Variants in OVOL1 observed in about 807,000 individuals in gnomAD.
OVOL1 encodes ovo like transcriptional repressor 1, also known as putative transcription factor Ovo-like 1.
A neutral mutation model predicts 21.5 loss-of-function variants in OVOL1; 10 were observed. That is an observed-to-expected ratio of 0.46 (90% CI 0.29 to 0.79). The LOEUF (loss-of-function observed/expected upper bound fraction) is 0.79, where lower values mean the gene tolerates loss of function less well. Ranked by LOEUF, OVOL1 falls within the 30% of genes least tolerant of loss-of-function variation. The pLI, the probability that OVOL1 is intolerant of heterozygous loss-of-function variation, is 0.10. For synonymous variants in OVOL1, 129 were observed against 150.3 expected, an observed-to-expected ratio of 0.86 and a Z score of 1.03; for missense variants, 279 against 362.3, an observed-to-expected ratio of 0.77 and a Z score of 1.87.
intron 1 of OVOL1, among the ~76,000 whole-genome samples, chr11:65,791,163 G>A (rs974403378): frequency 2.0e-5 from 3 of 152,248 alleles, no homozygotes; most frequent in Non-Finnish European, 4.4e-5. Context: ...AGTTCACAGC[G>A]TGGAAACAGA....
chr11:65,787,140 C>T lies in OVOL1; in HGVS notation c.-234C>T, dbSNP rs61895681. 1,152 of 417,318 alleles carry T rather than the reference C, an allele frequency of 2.8e-3. 5 individuals are homozygous for T. The highest frequency in any genetic ancestry group is 4.1e-3 in the Non-Finnish European group (905 of 222,812). 25.9% of individuals were successfully genotyped at this position (417,318 alleles called of 1,614,324 possible). A position where few individuals can be genotyped will look rare whatever the true frequency, so the allele number is the denominator to read the frequency against. On this transcript the variant is annotated 5_prime_UTR_variant, in exon 1 of 4. Coordinates refer to ENST00000335987, the MANE Select transcript of OVOL1 (RefSeq NM_004561.4). ...GCTTACCTGCCGCTTCCCCGCGCCG[C>T]CCGGTGCACCTGGCCGCAAGGGACC... is the stretch of plus-strand genomic sequence containing the variant.
chr11:65,788,580 G>T, intron 1 of OVOL1: 1 of 985,106 alleles, frequency 1.0e-6, no homozygotes, highest in East Asian at 1.1e-4. Context: ...GGGCAGCAGT[G>T]AGGGGCCCCG....
intron 1 of OVOL1, chr11:65,789,819 G>A: frequency 2.0e-6 from 1 of 494,832 alleles, no homozygotes; most frequent in Non-Finnish European, 2.6e-6. Flanking sequence ...GAAGGTTTTG[G>A]GAGAAGGTTT....
At position 65,789,183 on chromosome 11, in the gene OVOL1, C is replaced by G. The variant is rs568705750; in HGVS notation, c.100+1710C>G. Reference sequence around the variant, plus strand: ...AAATTCCGTTGGTTGAAATCATTGACTTCTTTTTGTCCTAGCTATTTTCTC... The same window carrying G: ...AAATTCCGTTGGTTGAAATCATTGAGTTCTTTTTGTCCTAGCTATTTTCTC... On this transcript the variant is annotated intron_variant, in intron 1 of 3. Coordinates refer to ENST00000335987, the MANE Select transcript of OVOL1 (RefSeq NM_004561.4). 7.2e-5 allele frequency: 40 copies of G among 556,054 alleles called. No individual in the cohort carries two copies. The African/African-American group carries it at 8.2e-4, about 11-fold the overall frequency. 34.4% of individuals were successfully genotyped at this position (556,054 alleles called of 1,614,324 possible).
At position 65,795,193 on chromosome 11, in the gene OVOL1, G is replaced by T; in HGVS notation, c.656G>T (p.Gly219Val). 1 of 1,613,354 alleles carries T rather than the reference G, an allele frequency of 6.2e-7. No individual in the cohort carries two copies. The highest frequency in any genetic ancestry group is 8.5e-7 in the Non-Finnish European group (1 of 1,180,012). The change falls in exon 4 of 4, where the codon GGC becomes GTC. Residue 219 changes from glycine (G) to valine (V), a missense_variant. Transcript: ENST00000335987. The surrounding 1 kb of genome is among the most constrained non-coding windows in gnomAD (Gnocchi z 5.7). The part of the protein sequence containing the change: ...RAKLYVCEEC[G>V]CTSESQEGHV... ...AAGCTGTACGTGTGTGAGGAGTGCGGCTGCACATCTGAGAGCCAGGAGGGC... is the reference window on the plus strand; with the variant it reads ...AAGCTGTACGTGTGTGAGGAGTGCGTCTGCACATCTGAGAGCCAGGAGGGC...
chr11:65,788,413 C>T, intron 1 of OVOL1: 1 of 980,490 alleles, frequency 1.0e-6, no homozygotes, highest in Non-Finnish European at 1.2e-6. Context: ...TCCGAACGCC[C>T]CCTCCCCAGG....
chr11:65,790,494 G>A (rs1857993358), intron 1 of OVOL1: 4 of 152,324 alleles, frequency 2.6e-5, no homozygotes, highest in Admixed American at 2.6e-4. Context: ...ACTAGGTAGT[G>A]TGGGCACTTG....
intron 1 of OVOL1, among the ~76,000 whole-genome samples, chr11:65,791,684 G>A (rs1194173177): frequency 6.6e-6 from 1 of 152,246 alleles, no homozygotes; most frequent in Non-Finnish European, 1.5e-5. Context: ...CATTGTCCAG[G>A]TAGAGGCAAG....
In OVOL1 at chr11:65,794,581, G is replaced by A. The variant is rs148705620; in HGVS notation, c.362G>A (p.Arg121His). ...DSPSGDLFTC[R>H]VCQKAFTYQR... ...CCCAGTGGAGACCTGTTCACCTGCC[G>A]TGTCTGCCAGAAGGCCTTCACCTAC... The change falls in exon 3 of 4, where the codon CGT (arginine) becomes CAT (histidine). Residue 121 changes from arginine (R) to histidine (H), a missense_variant. Coordinates refer to ENST00000335987, the MANE Select transcript of OVOL1 (RefSeq NM_004561.4). 407 of 1,613,494 alleles carry A rather than the reference G, an allele frequency of 2.5e-4. No individual in the cohort carries two copies. Among genetic ancestry groups the A allele is most frequent in the Middle Eastern group, 1.5e-3 (9 of 6,062 alleles).
In OVOL1 at chr11:65,795,098, C is replaced by T. The variant is rs749643519; in HGVS notation, c.561C>T (p.Cys187=). Residue 187 remains cysteine, a synonymous_variant, in exon 4 of 4, where the codon TGC becomes TGT. Coordinates refer to ENST00000335987, the MANE Select transcript of OVOL1 (RefSeq NM_004561.4). The surrounding 1 kb of genome is among the most constrained non-coding windows in gnomAD (Gnocchi z 5.7). ...SLCDKAFTQR[C]SLESHLKKIH... is the part of the protein sequence containing the mutation. ...GTGACAAGGCCTTCACGCAGCGCTG[C>T]TCTCTGGAGTCTCACCTCAAGAAGA... 8 of 1,613,592 alleles carry T rather than the reference C, an allele frequency of 5.0e-6. No homozygotes were observed. The African/African-American group carries it at 1.1e-4, about 22-fold the overall frequency.
Position 65,796,320 on chromosome 11 carries a change from C to G in OVOL1, c.*979C>G, listed in dbSNP as rs1390483899. On this transcript the variant is annotated 3_prime_UTR_variant, in exon 4 of 4. Coordinates refer to ENST00000335987, the MANE Select transcript of OVOL1 (RefSeq NM_004561.4). ...TTCTGCTCTTCCCTCCCGGCTCTGC[C>G]CTGCACATCCTGTTGAGCCAAGCCC... 2 of 152,500 alleles carry G rather than the reference C, an allele frequency of 1.3e-5. No homozygotes were observed. Among genetic ancestry groups the G allele is most frequent in the Non-Finnish European group, 2.9e-5 (2 of 68,130 alleles). 9.4% of individuals were successfully genotyped at this position (152,500 alleles called of 1,614,324 possible).
At chr11:65,790,287 G>C (rs1857988542) in intron 1 of OVOL1, 1 of 152,150 alleles carries the variant, frequency 6.6e-6, no homozygotes, top group African/African-American at 2.4e-5. Flanking sequence ...ACTGAGGCTG[G>C]AAGCTGGAGT....
rs1209838577 is a variant in OVOL1, at chr11:65,796,276, G to A, written c.*935G>A. On this transcript the variant is annotated 3_prime_UTR_variant, in exon 4 of 4. Transcript: ENST00000335987. Reference sequence around the variant, plus strand: ...AGCGGCGCCCTGGACGGCTGCTCCTGCGAACAGCCCATGGCATCTTCTGCT... The same window carrying A: ...AGCGGCGCCCTGGACGGCTGCTCCTACGAACAGCCCATGGCATCTTCTGCT... 6.6e-6 allele frequency: 1 copy of A among 152,562 alleles called. No individual in the cohort carries two copies. Among genetic ancestry groups the A allele is most frequent in the Admixed American group, 6.5e-5 (1 of 15,278 alleles). The allele number at this position is 152,562 out of a possible 1,614,324, so 9.5% of individuals were successfully genotyped here. A position where few individuals can be genotyped will look rare whatever the true frequency, so the allele number is the denominator to read the frequency against.
At position 65,787,312 on chromosome 11, in the gene OVOL1, G is replaced by C; in HGVS notation, c.-62G>C. ...CCGGCGTTCAGCCCGGCCCCGCAAA[G>C]GTGGGACGGCTCCCGGCTTCAGTTA... On this transcript the variant is annotated 5_prime_UTR_variant, in exon 1 of 4. Transcript: ENST00000335987. 2 of 1,397,092 alleles carry C rather than the reference G, an allele frequency of 1.4e-6. No individual in the cohort carries two copies. Among genetic ancestry groups the C allele is most frequent in the Non-Finnish European group, 2.0e-6 (2 of 1,015,250 alleles). 86.5% of individuals were successfully genotyped at this position (1,397,092 alleles called of 1,614,324 possible).
At chr11:65,793,335 C>G (rs767155008) in intron 1 of OVOL1, among the ~76,000 whole-genome samples, 4 of 152,204 alleles carry the variant, frequency 2.6e-5, no homozygotes, top group Admixed American at 1.3e-4. Flanking sequence ...CATGCCCCGG[C>G]GAGCGGTCCT....
intron 1 of OVOL1, among the ~76,000 whole-genome samples, chr11:65,787,743 A>G (rs1221891783): frequency 6.6e-6 from 1 of 151,534 alleles, no homozygotes; most frequent in East Asian, 1.9e-4. Context: ...GGAACCGCCT[A>G]CCCCCACCCC....
In OVOL1 at chr11:65,787,357, G is replaced by T. The variant is rs1230776209; in HGVS notation, c.-17G>T. On this transcript the variant is annotated 5_prime_UTR_variant, in exon 1 of 4. Coordinates refer to ENST00000335987, the MANE Select transcript of OVOL1 (RefSeq NM_004561.4). The stretch of plus-strand genomic sequence containing the variant: ...CAGTTACGGAAGCGGCCCGTGTCCA[G>T]CGACGAGGGTTCGAAAATGCCCCGC... 1.9e-6 allele frequency: 3 copies of T among 1,563,618 alleles called. No individual in the cohort carries two copies. The African/African-American group carries it at 4.1e-5, about 21-fold the overall frequency.
intron 1 of OVOL1, chr11:65,790,056 C>T (rs960827979): frequency 3.5e-5 from 5 of 141,306 alleles, no homozygotes; most frequent in Admixed American, 2.8e-4. Context: ...CCCCCCCAAC[C>T]ACCCTCCCCT....
rs1444608178 is a variant in OVOL1, at chr11:65,787,238, C to A, written c.-136C>A. 3.0e-6 allele frequency: 2 copies of A among 656,928 alleles called. No homozygotes were observed. The highest frequency in any genetic ancestry group is 5.3e-6 in the Non-Finnish European group (2 of 378,680). 40.7% of individuals were successfully genotyped at this position (656,928 alleles called of 1,614,324 possible). A position where few individuals can be genotyped will look rare whatever the true frequency, so the allele number is the denominator to read the frequency against. On this transcript the variant is annotated 5_prime_UTR_variant, in exon 1 of 4. Coordinates refer to ENST00000335987, the MANE Select transcript of OVOL1 (RefSeq NM_004561.4). ...GCGCCGTCCGGGCTCGGACCTTCCC[C>A]GGAACGTGGGGGCGCCTTAGCGACT... is the stretch of plus-strand genomic sequence containing the variant.
Sources: allele counts gnomAD v4.1 joint callset (sites outside exome capture counted in the v4.1 genomes callset), GRCh38; gene constraint gnomAD v4.1.1; non-coding constraint Gnocchi (gnomAD v3.1); transcripts MANE v1.5; gene names NCBI Gene and HGNC (gene_info 2026-07-23, HGNC 2026-07-21).